The following PRKG1 variants were observed in gnomAD, a reference collection of about 807,000 sequenced individuals.
The protein encoded by PRKG1 is cGMP-dependent protein kinase 1.
Under a neutral mutation model 88.1 loss-of-function variants are expected in PRKG1, and 35 were observed. That is an observed-to-expected ratio of 0.40 (90% CI 0.30 to 0.53). PRKG1 has a LOEUF of 0.53. Among genes scored for constraint, PRKG1 ranks in the 20% least tolerant of loss-of-function variants. The probability of loss-of-function intolerance (pLI) is 0.59; values close to 1 mark genes in which losing one functional copy is unlikely to be tolerated. For missense variants in PRKG1, 540 were observed against 839.8 expected (o/e 0.64, Z 4.41); for synonymous variants, 303 against 292.5 (o/e 1.04, Z -0.37).
At chr10:51,778,864 C>T (rs1838510388) in intron 3 of PRKG1, among the ~76,000 whole-genome samples, 1 of 152,030 alleles carries the variant, frequency 6.6e-6, no homozygotes, top group Admixed American at 6.6e-5. Context: ...GAGAGAAATC[C>T]CTACATATTT....
At chr10:51,174,083 TTTTCACCACAAAAATA>T (rs1837125103) in intron 2 of PRKG1, among the ~76,000 whole-genome samples, 1 of 151,894 alleles carries the variant, frequency 6.6e-6, no homozygotes, top group Non-Finnish European at 1.5e-5. Flanking sequence ...ATCTTAAATG[TTTTCACCACAAAAATA>T]TAAGTATGTG....
At chr10:51,195,942 G>A (rs1837752926) in intron 2 of PRKG1, among the ~76,000 whole-genome samples, 1 of 152,150 alleles carries the variant, frequency 6.6e-6, no homozygotes, top group Non-Finnish European at 1.5e-5. Context: ...TTTAAGTCTG[G>A]GTTGGGTAGA....
chr10:51,356,208 G>T (rs1325775307), intron 2 of PRKG1, among the ~76,000 whole-genome samples: 1 of 152,012 alleles, frequency 6.6e-6, no homozygotes, highest in African/African-American at 2.4e-5. Flanking sequence ...GAACCAGAAT[G>T]GTTGATGAAA....
chr10:51,718,866 G>T (rs1841947788), intron 3 of PRKG1, among the ~76,000 whole-genome samples: 1 of 151,932 alleles, frequency 6.6e-6, no homozygotes, highest in Non-Finnish European at 1.5e-5. Flanking sequence ...GAATTCCTAG[G>T]CCAGGTGTGG....
At chr10:52,056,956 C>T (rs1846125262) in intron 6 of PRKG1, among the ~76,000 whole-genome samples, 1 of 151,998 alleles carries the variant, frequency 6.6e-6, no homozygotes, top group Admixed American at 6.6e-5. Flanking sequence ...AGAGAGTAGG[C>T]TCAGTTGAGC....
intron 3 of PRKG1, among the ~76,000 whole-genome samples, chr10:51,751,829 A>G (rs1376752255): frequency 6.6e-6 from 1 of 151,536 alleles, no homozygotes; most frequent in Non-Finnish European, 1.5e-5. Flanking sequence ...TTTTTAGCTC[A>G]TCATTATATT....
chr10:51,185,696 C>T (rs60646280), intron 2 of PRKG1, among the ~76,000 whole-genome samples: 8,068 of 151,812 alleles, frequency 0.053, 400 homozygotes, highest in African/African-American at 0.13. Flanking sequence ...AGTCTTTAAA[C>T]ACTATTTTAC....
intron 8 of PRKG1, among the ~76,000 whole-genome samples, chr10:52,147,876 G>A (rs945116359): frequency 6.6e-6 from 1 of 152,160 alleles, no homozygotes; most frequent in African/African-American, 2.4e-5. Context: ...GATGGAAGCT[G>A]GTTAATACAG....
intron 3 of PRKG1, among the ~76,000 whole-genome samples, chr10:51,762,063 A>G (rs1838034694): frequency 6.6e-6 from 1 of 152,180 alleles, no homozygotes; most frequent in African/African-American, 2.4e-5. Flanking sequence ...TACATGGTAA[A>G]TAAGCAAGAG....
At chr10:52,121,632 A>G (rs1847821559) in intron 7 of PRKG1, among the ~76,000 whole-genome samples, 1 of 152,178 alleles carries the variant, frequency 6.6e-6, no homozygotes, top group African/African-American at 2.4e-5. Context: ...GCGTGGACAT[A>G]ATTCAGCCAG....
chr10:51,182,567 T>A (rs1429546156), intron 2 of PRKG1, among the ~76,000 whole-genome samples: 1 of 152,196 alleles, frequency 6.6e-6, no homozygotes, highest in Non-Finnish European at 1.5e-5. Context: ...ACTGATAGCA[T>A]GTCACAGGGG....
intron 3 of PRKG1, among the ~76,000 whole-genome samples, chr10:51,718,610 G>A (rs1300454163): frequency 6.6e-6 from 1 of 152,180 alleles, no homozygotes; most frequent in Non-Finnish European, 1.5e-5. Flanking sequence ...AGTGATATAA[G>A]TAAAATGTTT....
intron 1 of PRKG1, among the ~76,000 whole-genome samples, chr10:51,063,752 G>A (rs981615426): frequency 6.6e-6 from 1 of 152,094 alleles, no homozygotes; most frequent in Non-Finnish European, 1.5e-5. Flanking sequence ...GCTAATTAAT[G>A]TCAAAAGGAA....
At chr10:51,440,565 C>T (rs1839073083) in intron 2 of PRKG1, among the ~76,000 whole-genome samples, 1 of 151,874 alleles carries the variant, frequency 6.6e-6, no homozygotes. Context: ...CATAAAGCAA[C>T]ATATTTTGAA....
At chr10:51,649,056 A>C (rs1271872638) in intron 3 of PRKG1, among the ~76,000 whole-genome samples, 8 of 152,190 alleles carry the variant, frequency 5.3e-5, no homozygotes. Flanking sequence ...GAATGCCTAA[A>C]GTATCTATAG....
intron 7 of PRKG1, among the ~76,000 whole-genome samples, chr10:52,109,281 A>G (rs1250325562): frequency 1.3e-5 from 2 of 152,222 alleles, no homozygotes; most frequent in Non-Finnish European, 2.9e-5. Flanking sequence ...ATTTGGATAT[A>G]CTTTCTTCCC....
chr10:51,336,346 C>G (rs750735716), intron 2 of PRKG1, among the ~76,000 whole-genome samples: 1 of 151,144 alleles, frequency 6.6e-6, no homozygotes, highest in Non-Finnish European at 1.5e-5. Flanking sequence ...GAGCAAGACT[C>G]CATCTCAAAA....
chr10:51,009,032 T>C (rs1842966083), intron 1 of PRKG1, among the ~76,000 whole-genome samples: 1 of 152,222 alleles, frequency 6.6e-6, no homozygotes, highest in Admixed American at 6.5e-5. Flanking sequence ...CTTGTTTTCA[T>C]GGTATGAGTT....
At chr10:51,265,269 G>A (rs1391991679) in intron 2 of PRKG1, among the ~76,000 whole-genome samples, 1 of 152,078 alleles carries the variant, frequency 6.6e-6, no homozygotes, top group East Asian at 1.9e-4. Flanking sequence ...AGATAAATAT[G>A]AATAGAGACA....
Sources: allele counts gnomAD v4.1 joint callset (sites outside exome capture counted in the v4.1 genomes callset), GRCh38; gene constraint gnomAD v4.1.1; transcripts MANE v1.5; gene names NCBI Gene and HGNC (gene_info 2026-07-23, HGNC 2026-07-21).